The following NDST4 variants were observed in gnomAD, a reference collection of about 807,000 sequenced individuals.
NDST4 encodes N-deacetylase and N-sulfotransferase 4.
A neutral mutation model predicts 100.8 loss-of-function variants in NDST4; 63 were observed. That is an observed-to-expected ratio of 0.62 (90% confidence interval 0.51 to 0.77). The LOEUF is 0.77. Ranked by LOEUF, NDST4 falls within the 30% of genes least tolerant of loss-of-function variation. The pLI, the probability that NDST4 is intolerant of heterozygous loss-of-function variation, is 0.00. For missense variants in NDST4, 943 were observed against 1,018.4 expected (o/e 0.93, Z 1.01); for synonymous variants, 377 against 361.8 (o/e 1.04, Z -0.48).
At chr4:115,099,807 G>A (rs1729693497) in intron 1 of NDST4, among the ~76,000 whole-genome samples, 1 of 151,898 alleles carries the variant, frequency 6.6e-6, no homozygotes, top group Non-Finnish European at 1.5e-5. Flanking sequence ...CATGATCCTT[G>A]GTATTTACTC....
At position 115,059,029 on chromosome 4, in the gene NDST4, C is replaced by G. The variant is rs115337254; in HGVS notation, c.978+17030G>C. 8.2e-3 allele frequency among the ~76,000 whole-genome samples: 1,249 copies of G among 151,598 alleles called. 20 individuals are homozygous for G. Among genetic ancestry groups the G allele is most frequent in the African/African-American group, 0.028 (1,163 of 41,356 alleles). The stretch of plus-strand genomic sequence containing the variant: ...CGCTCAAAATTAGATTTATTGAGGT[C>G]AAGAACCAAGCACTCATATCTTTCT... On this transcript the variant is annotated intron_variant, in intron 2 of 13. Transcript: ENST00000264363.
chr4:115,037,924 A>C (rs1052196844), intron 2 of NDST4, among the ~76,000 whole-genome samples: 28 of 152,202 alleles, frequency 1.8e-4, no homozygotes, highest in African/African-American at 6.0e-4. Context: ...CAAAATAACA[A>C]ACTTTAAGGT....
chr4:114,890,490 C>T (rs900376339), intron 6 of NDST4, among the ~76,000 whole-genome samples: 29 of 152,066 alleles, frequency 1.9e-4, no homozygotes, highest in African/African-American at 6.5e-4. Flanking sequence ...TTTCTCATGT[C>T]ATTATCAATA....
At chr4:114,947,978 T>G (rs557927935) in intron 4 of NDST4, among the ~76,000 whole-genome samples, 3 of 152,220 alleles carry the variant, frequency 2.0e-5, no homozygotes, top group Admixed American at 6.5e-5. Context: ...GTCTACCGTG[T>G]GCTTCATTTT....
At chr4:115,096,520 C>CAA (rs1211066386) in intron 1 of NDST4, among the ~76,000 whole-genome samples, 1 of 152,024 alleles carries the variant, frequency 6.6e-6, no homozygotes, top group Non-Finnish European at 1.5e-5. Flanking sequence ...CATAAGCACT[C>CAA]AAACACTTAT....
chr4:115,103,234 A>G (rs1052054343), intron 1 of NDST4, among the ~76,000 whole-genome samples: 4 of 152,138 alleles, frequency 2.6e-5, no homozygotes, highest in African/African-American at 9.7e-5. Context: ...GTCACTTTAA[A>G]TCTATAATAC....
intron 6 of NDST4, among the ~76,000 whole-genome samples, chr4:114,914,203 G>A (rs965884513): frequency 6.6e-6 from 1 of 152,008 alleles, no homozygotes; most frequent in African/African-American, 2.4e-5. Flanking sequence ...CAGGGCATTG[G>A]GGGGAGGTGG....
At chr4:114,943,842 G>T (rs1725803689) in intron 4 of NDST4, among the ~76,000 whole-genome samples, 1 of 151,994 alleles carries the variant, frequency 6.6e-6, no homozygotes, top group Non-Finnish European at 1.5e-5. Context: ...ATAGTTGGGG[G>T]GAATAGATGA....
chr4:114,933,837 TC>T (rs1466906476), intron 6 of NDST4, among the ~76,000 whole-genome samples: 2 of 152,186 alleles, frequency 1.3e-5, no homozygotes, highest in African/African-American at 4.8e-5. Context: ...TGACTATTAA[TC>T]AAAAAGATGA....
At chr4:115,056,261 A>T (rs1477263083) in intron 2 of NDST4, among the ~76,000 whole-genome samples, 1 of 151,994 alleles carries the variant, frequency 6.6e-6, no homozygotes, top group Non-Finnish European at 1.5e-5. Context: ...CTGAGTTAGG[A>T]GGATCAACCT....
At chr4:114,886,684 T>G (rs1376313349) in intron 6 of NDST4, among the ~76,000 whole-genome samples, 3 of 152,126 alleles carry the variant, frequency 2.0e-5, no homozygotes, top group Non-Finnish European at 4.4e-5. Flanking sequence ...ATGGGAAAAT[T>G]TGTTTCTCTT....
intron 2 of NDST4, among the ~76,000 whole-genome samples, chr4:114,996,177 G>A (rs928041544): frequency 1.3e-5 from 2 of 152,156 alleles, no homozygotes; most frequent in African/African-American, 4.8e-5. Context: ...GAGGTAATCA[G>A]ATCATGGATG....
chr4:115,092,993 T>C (rs111521176), intron 1 of NDST4, among the ~76,000 whole-genome samples: 1 of 152,132 alleles, frequency 6.6e-6, no homozygotes, highest in Non-Finnish European at 1.5e-5. Context: ...GAAAAAGATA[T>C]GCAGAAATTA....
At chr4:114,838,621 G>T (rs1723354090) in intron 11 of NDST4, among the ~76,000 whole-genome samples, 1 of 152,072 alleles carries the variant, frequency 6.6e-6, no homozygotes, top group Non-Finnish European at 1.5e-5. Context: ...TGAACAATGA[G>T]AACATATAGG....
intron 2 of NDST4, among the ~76,000 whole-genome samples, chr4:115,020,763 G>C (rs2126264465): frequency 6.6e-6 from 1 of 152,124 alleles, no homozygotes; most frequent in Middle Eastern, 3.4e-3. Context: ...GACATGAATA[G>C]ACAGTTCCCA....
intron 4 of NDST4, among the ~76,000 whole-genome samples, chr4:114,963,929 GC>G (rs1726322889): frequency 6.6e-6 from 1 of 152,068 alleles, no homozygotes; most frequent in Non-Finnish European, 1.5e-5. Context: ...ACTAGTTATC[GC>G]TGTCTCCTGA....
chr4:115,051,247 T>G (rs2126278885), intron 2 of NDST4, among the ~76,000 whole-genome samples: 1 of 152,264 alleles, frequency 6.6e-6, no homozygotes, highest in African/African-American at 2.4e-5. Flanking sequence ...TCTCGTTTAT[T>G]TAAGTGCATA....
intron 2 of NDST4, among the ~76,000 whole-genome samples, chr4:115,017,537 C>G (rs1455238784): frequency 6.6e-6 from 1 of 152,030 alleles, no homozygotes. Context: ...CTTCTGCCAC[C>G]TGGCAGGAGA....
intron 1 of NDST4, among the ~76,000 whole-genome samples, chr4:115,105,991 TATTG>T (rs778080233): frequency 6.9e-4 from 105 of 152,112 alleles, no homozygotes; most frequent in Non-Finnish European, 1.3e-3. Flanking sequence ...CCTTAGTATC[TATTG>T]ATTATTGGTC....
Sources: gnomAD v4.1 joint callset for allele counts (sites outside exome capture counted in the v4.1 genomes callset) on GRCh38, gnomAD v4.1.1 for gene constraint, MANE v1.5 for transcripts, NCBI Gene and HGNC (gene_info 2026-07-23, HGNC 2026-07-21) for gene names.